The following DPP10 variants were observed in gnomAD, a reference collection of about 807,000 sequenced individuals.
DPP10 encodes dipeptidyl peptidase like 10.
DPP10 carries 33 observed loss-of-function variants against 120.9 expected under a neutral mutation model. The ratio of observed to expected loss-of-function variants is 0.27; its 90% CI spans 0.21 to 0.37. DPP10 has a LOEUF of 0.37. Ranked by LOEUF, DPP10 falls within the 10% of genes least tolerant of loss-of-function variation. DPP10 has a pLI of 1.00. For missense variants in DPP10, 816 were observed against 942.8 expected, an observed-to-expected ratio of 0.87 and a Z score of 1.76; for synonymous variants, 337 against 326.1, an observed-to-expected ratio of 1.03 and a Z score of -0.36.
At chr2:115,291,655 C>T (rs1364442771) in intron 1 of DPP10, among the ~76,000 whole-genome samples, 1 of 151,998 alleles carries the variant, frequency 6.6e-6, no homozygotes, top group Non-Finnish European at 1.5e-5. Flanking sequence ...TGCCTAAGCC[C>T]ATTTATCACT....
At chr2:115,831,681 T>C (rs1688943320) in intron 21 of DPP10, among the ~76,000 whole-genome samples, 1 of 152,240 alleles carries the variant, frequency 6.6e-6, no homozygotes, top group Non-Finnish European at 1.5e-5. Flanking sequence ...CCTCTGCTTC[T>C]CCAAGTCCTT....
intron 5 of DPP10, among the ~76,000 whole-genome samples, chr2:115,535,255 T>G (rs1380341622): frequency 6.7e-5 from 10 of 149,222 alleles, no homozygotes; most frequent in East Asian, 2.0e-4. Flanking sequence ...GGTCTAACGT[T>G]TAAGTCTTTA....
At chr2:115,498,601 G>T (rs2076524670) in intron 3 of DPP10, among the ~76,000 whole-genome samples, 1 of 151,068 alleles carries the variant, frequency 6.6e-6, no homozygotes. Context: ...GGCTAGAATT[G>T]GGTAAAATTG....
intron 11 of DPP10, among the ~76,000 whole-genome samples, chr2:115,760,830 C>T (rs1416465890): frequency 1.3e-5 from 2 of 152,186 alleles, no homozygotes; most frequent in African/African-American, 4.8e-5. Context: ...GCTGTGGTGG[C>T]TCATGCTTGT....
At chr2:115,710,376 T>C (rs10174631) in intron 7 of DPP10, among the ~76,000 whole-genome samples, 145,793 of 152,140 alleles carry the variant, frequency 0.96, 70,160 homozygotes, top group East Asian at 1. Flanking sequence ...ACGACAAAAA[T>C]GGTGAGGGAG....
intron 1 of DPP10, among the ~76,000 whole-genome samples, chr2:115,225,844 G>A (rs1165167069): frequency 6.6e-6 from 1 of 151,090 alleles, no homozygotes; most frequent in Non-Finnish European, 1.5e-5. Context: ...TATTGTATAT[G>A]GCAAAGGGTA....
intron 5 of DPP10, among the ~76,000 whole-genome samples, chr2:115,647,593 A>C (rs773818608): frequency 6.6e-6 from 1 of 152,186 alleles, no homozygotes; most frequent in African/African-American, 2.4e-5. Flanking sequence ...GGTACATCTT[A>C]GTCTGTTTGT....
At chr2:115,269,112 A>C (rs1172249199) in intron 1 of DPP10, among the ~76,000 whole-genome samples, 2 of 152,192 alleles carry the variant, frequency 1.3e-5, no homozygotes, top group East Asian at 3.9e-4. Context: ...ACGCCATTGC[A>C]CTCCAGCCTA....
chr2:115,794,761 G>A (rs193181153), intron 19 of DPP10, among the ~76,000 whole-genome samples: 5 of 152,050 alleles, frequency 3.3e-5, no homozygotes, highest in East Asian at 1.9e-4. Flanking sequence ...TTAAGGACCC[G>A]GAGTCCTTAT....
intron 21 of DPP10, among the ~76,000 whole-genome samples, chr2:115,833,856 A>G (rs923664414): frequency 6.6e-6 from 1 of 152,162 alleles, no homozygotes; most frequent in Non-Finnish European, 1.5e-5. Context: ...TCTGACCCCA[A>G]GCATTTCAGA....
chr2:115,257,418 G>C (rs978268286), intron 1 of DPP10, among the ~76,000 whole-genome samples: 2 of 152,146 alleles, frequency 1.3e-5, no homozygotes, highest in Non-Finnish European at 2.9e-5. Context: ...TGAAGCCTCA[G>C]GGAGCTCACA....
At chr2:115,252,867 C>G (rs1020303479) in intron 1 of DPP10, among the ~76,000 whole-genome samples, 10 of 152,142 alleles carry the variant, frequency 6.6e-5, no homozygotes, top group African/African-American at 2.4e-4. Flanking sequence ...AGGAGTTTGC[C>G]AAAGGCAAAG....
At chr2:114,957,458 A>G (rs1185396860) in intron 1 of DPP10, among the ~76,000 whole-genome samples, 1 of 152,174 alleles carries the variant, frequency 6.6e-6, no homozygotes, top group African/African-American at 2.4e-5. Flanking sequence ...TAAGTGTTGA[A>G]GAGGAAATGG....
chr2:115,626,005 C>A (rs1310318346), intron 5 of DPP10, among the ~76,000 whole-genome samples: 1 of 150,424 alleles, frequency 6.6e-6, no homozygotes, highest in Non-Finnish European at 1.5e-5. Context: ...CTGAATCTGT[C>A]TGTCTGCTTG....
chr2:115,243,404 A>T (rs2058378216), intron 1 of DPP10, among the ~76,000 whole-genome samples: 1 of 152,160 alleles, frequency 6.6e-6, no homozygotes, highest in Non-Finnish European at 1.5e-5. Flanking sequence ...CAGTTCTAAA[A>T]TAAAACTATG....
At chr2:115,755,936 G>A (rs966690860) in intron 11 of DPP10, among the ~76,000 whole-genome samples, 44 of 118,432 alleles carry the variant, frequency 3.7e-4, no homozygotes, top group African/African-American at 1.1e-3. Flanking sequence ...TAAAAAGTGT[G>A]TGTGTGTGTA....
At chr2:114,498,949 A>T (rs1051055996) in intron 1 of DPP10, among the ~76,000 whole-genome samples, 1 of 152,258 alleles carries the variant, frequency 6.6e-6, no homozygotes, top group Non-Finnish European at 1.5e-5. Context: ...ATACATATGC[A>T]ATGGAATACT....
At chr2:114,793,932 C>A (rs1263604681) in intron 1 of DPP10, among the ~76,000 whole-genome samples, 1 of 152,082 alleles carries the variant, frequency 6.6e-6, no homozygotes, top group Non-Finnish European at 1.5e-5. Context: ...AAATACAATA[C>A]CTCTTTTATG....
chr2:114,509,174 G>A (rs777852248), intron 1 of DPP10, among the ~76,000 whole-genome samples: 3 of 152,128 alleles, frequency 2.0e-5, no homozygotes, highest in Non-Finnish European at 2.9e-5. Context: ...AAACTCTGTG[G>A]TTTTGCCAGA....
Sources: gnomAD v4.1 joint callset for allele counts (sites outside exome capture counted in the v4.1 genomes callset) on GRCh38, gnomAD v4.1.1 for gene constraint, MANE v1.5 for transcripts, NCBI Gene and HGNC (gene_info 2026-07-23, HGNC 2026-07-21) for gene names.